Variants in PTPRD observed in about 807,000 individuals in gnomAD.
PTPRD encodes the protein receptor-type tyrosine-protein phosphatase delta.
In PTPRD, 34 loss-of-function variants were observed where a neutral mutation model predicts 214.5. That is an observed-to-expected ratio of 0.16 (90% CI 0.12 to 0.21). PTPRD has a LOEUF of 0.21. Ranked by LOEUF, PTPRD falls within the 10% of genes least tolerant of loss-of-function variation. PTPRD has a pLI of 1.00. For missense variants in PTPRD, 2,545 were observed against 2,398.7 expected, an observed-to-expected ratio of 1.06 and a Z score of -1.27; for synonymous variants, 1,128 against 845.7, an observed-to-expected ratio of 1.33 and a Z score of -5.79.
At chr9:9,054,553 T>C (rs1009675268) in intron 10 of PTPRD, among the ~76,000 whole-genome samples, 3 of 152,208 alleles carry the variant, frequency 2.0e-5, no homozygotes, top group African/African-American at 7.2e-5. Flanking sequence ...GTCTGTGCTA[T>C]GGCCAGGACC....
intron 10 of PTPRD, among the ~76,000 whole-genome samples, chr9:9,163,048 T>C (rs74860438): frequency 6.6e-6 from 1 of 152,236 alleles, no homozygotes; most frequent in Non-Finnish European, 1.5e-5. Flanking sequence ...CTCTGAACAC[T>C]CCTTTTATCT....
At chr9:10,280,719 C>T (rs1392226610) in intron 3 of PTPRD, among the ~76,000 whole-genome samples, 1 of 152,052 alleles carries the variant, frequency 6.6e-6, no homozygotes, top group African/African-American at 2.4e-5. Flanking sequence ...CAAGTGTTCC[C>T]CCATCTCAGC....
At chr9:8,975,787 C>CATATAT (rs34239991) in intron 11 of PTPRD, among the ~76,000 whole-genome samples, 2 of 149,232 alleles carry the variant, frequency 1.3e-5, no homozygotes, top group Non-Finnish European at 3.0e-5. Flanking sequence ...ATTGAGAAAC[C>CATATAT]ATATATATAT....
intron 12 of PTPRD, among the ~76,000 whole-genome samples, chr9:8,679,236 G>T (rs889929276): frequency 6.6e-6 from 1 of 152,168 alleles, no homozygotes; most frequent in South Asian, 2.1e-4. Flanking sequence ...CTTCAAAGCA[G>T]TTTGTTCATT....
chr9:10,416,389 A>G (rs2154513934), intron 2 of PTPRD, among the ~76,000 whole-genome samples: 1 of 151,968 alleles, frequency 6.6e-6, no homozygotes, highest in South Asian at 2.1e-4. Context: ...AAAGCAACAG[A>G]CAAACAAACA....
chr9:9,591,714 T>C (rs192864892), intron 7 of PTPRD, among the ~76,000 whole-genome samples: 69 of 152,222 alleles, frequency 4.5e-4, no homozygotes, highest in African/African-American at 1.6e-3. Flanking sequence ...TATATTTGTG[T>C]GGTACAGTGG....
chr9:9,315,337 G>A (rs1048976318), intron 9 of PTPRD, among the ~76,000 whole-genome samples: 3 of 151,896 alleles, frequency 2.0e-5, no homozygotes, highest in African/African-American at 7.2e-5. Flanking sequence ...TTTTCTGTAT[G>A]TGTGTATGTA....
chr9:10,093,936 A>T (rs974978586), intron 3 of PTPRD, among the ~76,000 whole-genome samples: 1 of 151,298 alleles, frequency 6.6e-6, no homozygotes, highest in African/African-American at 2.4e-5. Flanking sequence ...GGACTACTAG[A>T]GCAGGGAGAG....
intron 9 of PTPRD, among the ~76,000 whole-genome samples, chr9:9,278,851 A>G (rs1209905745): frequency 1.3e-5 from 2 of 151,306 alleles, no homozygotes; most frequent in African/African-American, 2.4e-5. Flanking sequence ...CTCACTATTC[A>G]TCTACACATA....
intron 3 of PTPRD, among the ~76,000 whole-genome samples, chr9:10,276,267 G>A (rs1335612545): frequency 6.6e-6 from 1 of 152,172 alleles, no homozygotes; most frequent in Non-Finnish European, 1.5e-5. Flanking sequence ...AATGTCACAT[G>A]TTCAGCTCAT....
intron 10 of PTPRD, among the ~76,000 whole-genome samples, chr9:9,128,806 A>T (rs1042663374): frequency 2.0e-5 from 3 of 152,228 alleles, no homozygotes; most frequent in Non-Finnish European, 4.4e-5. Flanking sequence ...CCCACAGCAG[A>T]GCAGAGAAGT....
At chr9:8,786,749 A>G (rs1374044831) in intron 11 of PTPRD, among the ~76,000 whole-genome samples, 3 of 65,678 alleles carry the variant, frequency 4.6e-5, no homozygotes, top group Non-Finnish European at 4.9e-5. Context: ...ATCCTCAGGG[A>G]AAAAAAAGGT....
intron 2 of PTPRD, among the ~76,000 whole-genome samples, chr9:10,576,274 T>C (rs776966428): frequency 5.3e-5 from 8 of 152,144 alleles, no homozygotes; most frequent in Non-Finnish European, 8.8e-5. Context: ...AGGAAAAGGA[T>C]GCAAATGATT....
intron 7 of PTPRD, among the ~76,000 whole-genome samples, chr9:9,718,461 G>A (rs1400669524): frequency 1.3e-5 from 2 of 152,264 alleles, no homozygotes; most frequent in Admixed American, 6.5e-5. Context: ...CCCAGTGGGA[G>A]CCCTGCGCCC....
chr9:8,625,221 CA>C (rs1233531068), intron 14 of PTPRD, among the ~76,000 whole-genome samples: 1 of 151,634 alleles, frequency 6.6e-6, no homozygotes, highest in African/African-American at 2.4e-5. Flanking sequence ...ACTACATGTA[CA>C]AAACATACAT....
intron 2 of PTPRD, among the ~76,000 whole-genome samples, chr9:10,562,819 A>G (rs1243205885): frequency 2.0e-5 from 3 of 152,124 alleles, no homozygotes; most frequent in Non-Finnish European, 2.9e-5. Flanking sequence ...CTATAAGCAC[A>G]TTGGAGACTT....
intron 9 of PTPRD, among the ~76,000 whole-genome samples, chr9:9,200,029 T>C (rs2099940950): frequency 1.3e-5 from 2 of 152,164 alleles, no homozygotes; most frequent in Admixed American, 6.5e-5. Flanking sequence ...AGATCTGAAA[T>C]GTTAATCAAA....
chr9:10,012,412 A>C (rs960178268), intron 4 of PTPRD, among the ~76,000 whole-genome samples: 4 of 151,934 alleles, frequency 2.6e-5, no homozygotes, highest in Admixed American at 2.6e-4. Context: ...TCACAGTTGC[A>C]ACTTTTCACT....
intron 5 of PTPRD, among the ~76,000 whole-genome samples, chr9:9,846,292 C>T (rs1037071381): frequency 6.6e-6 from 1 of 152,132 alleles, no homozygotes; most frequent in Middle Eastern, 3.4e-3. Flanking sequence ...CATTCCCAAT[C>T]AAAATTACTT....
Sources: allele counts gnomAD v4.1 joint callset (sites outside exome capture counted in the v4.1 genomes callset), GRCh38; gene constraint gnomAD v4.1.1; transcripts MANE v1.5; gene names NCBI Gene and HGNC (gene_info 2026-07-23, HGNC 2026-07-21).